GPD1L: variants seen among roughly 807,000 people sequenced by gnomAD.
GPD1L encodes the protein glycerol-3-phosphate dehydrogenase 1 like.
In GPD1L, 17 loss-of-function variants were observed where a neutral mutation model predicts 32.9. The observed-to-expected ratio is 0.52, with a 90% CI of 0.35 to 0.78. The LOEUF (loss-of-function observed/expected upper bound fraction) is 0.78, where lower values mean the gene tolerates loss of function less well. GPD1L is among the 30% of genes least tolerant of loss of function. The pLI, the probability that GPD1L is intolerant of heterozygous loss-of-function variation, is 0.01. For missense variants in GPD1L, 361 were observed against 447.8 expected (o/e 0.81, Z 1.75); for synonymous variants, 187 against 165.9 (o/e 1.13, Z -0.98).
At chr3:32,130,133 C>T (rs1049739846) in intron 2 of GPD1L, among the ~76,000 whole-genome samples, 4 of 151,964 alleles carry the variant, frequency 2.6e-5, no homozygotes, top group African/African-American at 7.3e-5. Context: ...GCCTGTGCTG[C>T]GAACAGGGAG....
intron 4 of GPD1L, among the ~76,000 whole-genome samples, chr3:32,141,007 G>A (rs1187424428): frequency 2.0e-5 from 3 of 152,198 alleles, no homozygotes; most frequent in East Asian, 1.9e-4. Context: ...TCAAGTGTCC[G>A]TGTACTATAT....
intron 1 of GPD1L, among the ~76,000 whole-genome samples, chr3:32,120,499 C>G (rs9811967): frequency 6.6e-6 from 1 of 151,902 alleles, no homozygotes; most frequent in African/African-American, 2.4e-5. Context: ...GGTGGTCTTT[C>G]TGAGTGGTGG....
chr3:32,121,114 G>C (rs953013139), intron 1 of GPD1L, among the ~76,000 whole-genome samples: 2 of 151,896 alleles, frequency 1.3e-5, no homozygotes, highest in Admixed American at 1.3e-4. Flanking sequence ...TGCCCACCCC[G>C]TCCCTTCCTT....
chr3:32,139,854 G>C (rs1268041592), intron 3 of GPD1L, among the ~76,000 whole-genome samples: 1 of 152,094 alleles, frequency 6.6e-6, no homozygotes, highest in African/African-American at 2.4e-5. Flanking sequence ...GAAACCCCAG[G>C]GATAATGACG....
chr3:32,113,445 A>G (rs1357694419), intron 1 of GPD1L, among the ~76,000 whole-genome samples: 1 of 151,738 alleles, frequency 6.6e-6, no homozygotes, highest in Admixed American at 6.6e-5. Flanking sequence ...AGCATCCCCA[A>G]GTCTCTCAGT....
chr3:32,146,461 G>A (rs1178011470), intron 4 of GPD1L, among the ~76,000 whole-genome samples, 161 bp from the exon 5 acceptor site: 1 of 152,068 alleles, frequency 6.6e-6, no homozygotes, highest in East Asian at 1.9e-4. Context: ...GATTGGAAAC[G>A]GGATATTTTT....
rs527252632 is a variant in GPD1L at position 32,130,627 on chromosome 3, C to A, written c.225+2374C>A. On this transcript the variant is annotated intron_variant, in intron 2 of 7. Coordinates refer to ENST00000282541, the MANE Select transcript of GPD1L (RefSeq NM_015141.4). Reference sequence around the variant, plus strand: ...CATTGCCTGCTCACTAAAAGCTGAGCCCGTCTGGATTTGCGATTTCCCTTT... The same window carrying A: ...CATTGCCTGCTCACTAAAAGCTGAGACCGTCTGGATTTGCGATTTCCCTTT... Among the ~76,000 whole-genome samples, 102 of 152,258 alleles carry A rather than the reference C, an allele frequency of 6.7e-4. 1 individual carries two copies. The South Asian group carries it at 0.017, about 25-fold the overall frequency.
intron 5 of GPD1L, among the ~76,000 whole-genome samples, chr3:32,153,345 A>G (rs56274467): frequency 0.12 from 18,162 of 152,306 alleles, 1,181 homozygotes; most frequent in African/African-American, 0.16. Context: ...ATTCTTAAAA[A>G]CTAAAAATTC....
chr3:32,120,963 TG>T (rs2125473453), intron 1 of GPD1L, among the ~76,000 whole-genome samples: 1 of 152,096 alleles, frequency 6.6e-6, no homozygotes, highest in South Asian at 2.1e-4. Context: ...ATTGCCAAGC[TG>T]GGGGTTAGGA....
chr3:32,158,711 A>T, intron 5 of GPD1L, 165 bp from the exon 6 acceptor site: 1 of 1,463,324 alleles, frequency 6.8e-7, no homozygotes, highest in East Asian at 2.5e-5. Context: ...TCCTTTCGTC[A>T]TCTCTTTCAC....
intron 5 of GPD1L, among the ~76,000 whole-genome samples, chr3:32,156,334 C>T (rs2125496453): frequency 6.6e-6 from 1 of 152,326 alleles, no homozygotes; most frequent in Non-Finnish European, 1.5e-5. Context: ...GTCAGGCTGT[C>T]AGTTCCTAGG....
chr3:32,145,485 G>A (rs1344108541), intron 4 of GPD1L, among the ~76,000 whole-genome samples: 1 of 152,176 alleles, frequency 6.6e-6, no homozygotes, highest in Non-Finnish European at 1.5e-5. Context: ...TTGTATCTAT[G>A]GCAAGCCAAG....
chr3:32,122,661 C>T lies in GPD1L; in HGVS notation c.48-5415C>T, dbSNP rs148069113. On this transcript the variant is annotated intron_variant, in intron 1 of 7. Transcript: ENST00000282541. ...CTTAGCTAGTTTTTGACCTTTGCTC[C>T]GGGGGCCTTCCTTCTGCCTGGAAGG... Among the ~76,000 whole-genome samples the T allele has an allele frequency of 1.9e-3, 284 of 152,228 alleles. 2 individuals are homozygous for T. The highest frequency in any genetic ancestry group is 6.4e-3 in the African/African-American group (267 of 41,518).
In GPD1L at chr3:32,166,230, C is replaced by T. The variant is rs562504703; in HGVS notation, c.*320C>T. ...ACAATCGTAGCTTATAAGATTGGAA[C>T]GATCTCAGCCAAATATTTTAGGTGT... On this transcript the variant is annotated 3_prime_UTR_variant, in exon 8 of 8. Transcript: ENST00000282541. 3.8e-4 allele frequency: 145 copies of T among 379,598 alleles called. 1 individual carries two copies. The highest frequency in any genetic ancestry group is 2.3e-3 in the African/African-American group (112 of 48,318). 23.5% of individuals were successfully genotyped at this position (379,598 alleles called of 1,614,324 possible).
At chr3:32,131,860 T>A (rs1438217066) in intron 2 of GPD1L, among the ~76,000 whole-genome samples, 2 of 152,272 alleles carry the variant, frequency 1.3e-5, no homozygotes, top group Non-Finnish European at 2.9e-5. Context: ...ATCAACAGTG[T>A]GTGAATGTTC....
At chr3:32,147,833 T>C (rs1405382220) in intron 5 of GPD1L, among the ~76,000 whole-genome samples, 1 of 152,200 alleles carries the variant, frequency 6.6e-6, no homozygotes, top group Non-Finnish European at 1.5e-5. Context: ...ATATGTTTTT[T>C]TCTAGTCAGA....
intron 2 of GPD1L, among the ~76,000 whole-genome samples, chr3:32,134,288 A>G (rs914686792): frequency 9.2e-5 from 14 of 152,228 alleles, no homozygotes; most frequent in African/African-American, 3.4e-4. Context: ...GACCATGCAC[A>G]CCATAAAAAT....
chr3:32,123,906 G>A (rs1007433087), intron 1 of GPD1L, among the ~76,000 whole-genome samples: 1 of 152,156 alleles, frequency 6.6e-6, no homozygotes, highest in Admixed American at 6.5e-5. Flanking sequence ...CTGAGACATG[G>A]AGAGTGCCAG....
At chr3:32,146,294 G>T (rs1700824788) in intron 4 of GPD1L, among the ~76,000 whole-genome samples, 1 of 151,910 alleles carries the variant, frequency 6.6e-6, no homozygotes, top group East Asian at 1.9e-4. Context: ...CACCATGTTA[G>T]CCAGGATGGC....
Sources: gnomAD v4.1 joint callset for allele counts (sites outside exome capture counted in the v4.1 genomes callset) on GRCh38, gnomAD v4.1.1 for gene constraint, MANE v1.5 for transcripts, NCBI Gene and HGNC (gene_info 2026-07-23, HGNC 2026-07-21) for gene names.